SSUH2: variants seen among roughly 807,000 people sequenced by gnomAD.
SSUH2 encodes ssu-2 homolog.
SSUH2 carries 47 observed loss-of-function variants against 55.3 expected under a neutral mutation model. That is an observed-to-expected ratio of 0.85 (90% CI 0.67 to 1.08). The LOEUF (loss-of-function observed/expected upper bound fraction) is 1.08, where lower values mean the gene tolerates loss of function less well. Among genes scored for constraint, SSUH2 ranks in the 50% least tolerant of loss-of-function variants. The probability of loss-of-function intolerance (pLI) is 0.00; values close to 1 mark genes in which losing one functional copy is unlikely to be tolerated. For synonymous variants in SSUH2, 212 were observed against 191.5 expected, an observed-to-expected ratio of 1.11 and a Z score of -0.89; for missense variants, 535 against 490.7, an observed-to-expected ratio of 1.09 and a Z score of -0.85.
At chr3:8,659,774 G>A in intron 6 of SSUH2, 1 of 456,590 alleles carries the variant, frequency 2.2e-6, no homozygotes, top group Non-Finnish European at 4.4e-6. Flanking sequence ...TGTGTGCAGT[G>A]TAAGAGATAT....
upstream of SSUH2, among the ~76,000 whole-genome samples, chr3:8,646,400 A>T (rs916653986): frequency 6.6e-6 from 1 of 152,220 alleles, no homozygotes; most frequent in Non-Finnish European, 1.5e-5. Context: ...AAATTCTTTA[A>T]ATGTCAAATT....
chr3:8,678,069 A>G (rs1033967696), intron 2 of SSUH2, among the ~76,000 whole-genome samples: 24 of 152,032 alleles, frequency 1.6e-4, no homozygotes, highest in Admixed American at 1.6e-3. Flanking sequence ...ATTAGAAACA[A>G]TATCAGTGAG....
At chr3:8,620,816 C>T (rs1696280255) in intron 11 of SSUH2, among the ~76,000 whole-genome samples, 1 of 152,224 alleles carries the variant, frequency 6.6e-6, no homozygotes, top group Admixed American at 6.5e-5. Flanking sequence ...CGGTTTCTAA[C>T]ATTTGAATCA....
At chr3:8,656,109 G>C (rs1466736110) in intron 7 of SSUH2, among the ~76,000 whole-genome samples, 3 of 152,198 alleles carry the variant, frequency 2.0e-5, no homozygotes, top group Non-Finnish European at 2.9e-5. Context: ...AAGAAAGAGA[G>C]AGAGACAAAA....
intron 1 of SSUH2, among the ~76,000 whole-genome samples, chr3:8,639,767 A>G (rs891048813): frequency 4.6e-5 from 7 of 152,166 alleles, no homozygotes; most frequent in Non-Finnish European, 1.0e-4. Context: ...AGCGTGCTCA[A>G]AGGGCTTCCC....
chr3:8,633,244 A>T (rs895744982), intron 4 of SSUH2, among the ~76,000 whole-genome samples: 1 of 151,002 alleles, frequency 6.6e-6, no homozygotes, highest in Non-Finnish European at 1.5e-5. Flanking sequence ...CCCAGTTTCA[A>T]GCAATTGTCC....
At chr3:8,641,831 T>A (rs1003592414) in intron 1 of SSUH2, among the ~76,000 whole-genome samples, 4 of 152,238 alleles carry the variant, frequency 2.6e-5, no homozygotes, top group African/African-American at 9.6e-5. Context: ...TGAAAGCTAG[T>A]ATCAATTTTC....
chr3:8,664,839 C>A (rs750922006), intron 5 of SSUH2, among the ~76,000 whole-genome samples: 3 of 152,200 alleles, frequency 2.0e-5, no homozygotes, highest in Non-Finnish European at 4.4e-5. Flanking sequence ...CTAAACAGGT[C>A]ATTAAGATCA....
At chr3:8,641,784 G>A (rs568538303) in intron 1 of SSUH2, among the ~76,000 whole-genome samples, 6 of 152,374 alleles carry the variant, frequency 3.9e-5, no homozygotes, top group African/African-American at 1.4e-4. Context: ...TTGCCAAGAA[G>A]TCCAGCACCC....
intron 1 of SSUH2, among the ~76,000 whole-genome samples, chr3:8,636,348 G>A (rs1226666422): frequency 1.3e-5 from 2 of 152,026 alleles, no homozygotes; most frequent in Non-Finnish European, 2.9e-5. Flanking sequence ...ATGGAAGGAG[G>A]TCCAGTTGAG....
At position 8,664,785 on chromosome 3, in the gene SSUH2, C is replaced by T. The variant is rs547475897; in HGVS notation, c.-454-983G>A. 1.3e-4 allele frequency among the ~76,000 whole-genome samples: 20 copies of T among 152,330 alleles called. No individual in the cohort carries two copies. In the East Asian group the frequency reaches 3.7e-3, roughly 28 times the overall value. ...CTATGGAAAGGAATCACAATCCTTG[C>T]TCCCACTTAACAAAAAAGCAAATTA... On this transcript the variant is annotated intron_variant, in intron 5 of 18. Coordinates refer to the SSUH2 transcript ENST00000317371.
intron 6 of SSUH2, among the ~76,000 whole-genome samples, chr3:8,661,749 C>T (rs1703511510): frequency 6.6e-6 from 1 of 152,200 alleles, no homozygotes. Context: ...CAATGCTTAG[C>T]TTGGGGAACC....
chr3:8,631,941 A>AAG, intron 5 of SSUH2, 108 bp downstream of exon 5: 1 of 859,304 alleles, frequency 1.2e-6, no homozygotes, highest in Non-Finnish European at 1.9e-6. Context: ...GGCTCCAAGC[A>AAG]GAAGACCATC....
rs1253944256 is a variant in SSUH2 at position 8,643,826 on chromosome 3, T to C, written c.28+905A>G. ...AAAAAGCATTTTGCCCACACCCTCA[T>C]GGTCCTCAGATTGAGACCTAAACCA... On this transcript the variant is annotated intron_variant, in intron 1 of 11. Coordinates refer to ENST00000544814, the MANE Select transcript of SSUH2 (RefSeq NM_001256748.3). 3.3e-5 allele frequency among the ~76,000 whole-genome samples: 5 copies of C among 152,294 alleles called. No homozygotes were observed. The East Asian group carries it at 5.8e-4, about 18-fold the overall frequency.
At chr3:8,635,099 G>A (rs572399125) in intron 3 of SSUH2, among the ~76,000 whole-genome samples, 4 of 152,300 alleles carry the variant, frequency 2.6e-5, no homozygotes, top group South Asian at 4.1e-4. Context: ...GGTTTTCAAC[G>A]CTGGCTTTGT....
chr3:8,681,216 C>T (rs950468251), intron 1 of SSUH2, among the ~76,000 whole-genome samples: 1 of 150,420 alleles, frequency 6.6e-6, no homozygotes, highest in Non-Finnish European at 1.5e-5. Context: ...CCTCTTCCCC[C>T]CCTGGCTCTC....
chr3:8,642,846 A>C (rs961260773), intron 1 of SSUH2, among the ~76,000 whole-genome samples: 13 of 152,310 alleles, frequency 8.5e-5, no homozygotes, highest in African/African-American at 3.1e-4. Context: ...TGGGGAAAAA[A>C]AAATCTACCT....
upstream of SSUH2, among the ~76,000 whole-genome samples, chr3:8,647,956 G>A (rs1701918696): frequency 6.6e-6 from 1 of 152,182 alleles, no homozygotes; most frequent in Non-Finnish European, 1.5e-5. Context: ...CCAAGTAGGA[G>A]GTTCTCGAAA....
chr3:8,634,171 T>C (rs540289393), intron 3 of SSUH2: 1 of 623,692 alleles, frequency 1.6e-6, no homozygotes, highest in East Asian at 3.1e-5. Context: ...ACAGGCTAAA[T>C]AAGGCTCCTG....
Sources: gnomAD v4.1 joint callset for allele counts (sites outside exome capture counted in the v4.1 genomes callset) on GRCh38, gnomAD v4.1.1 for gene constraint, MANE v1.5 for transcripts, NCBI Gene and HGNC (gene_info 2026-07-23, HGNC 2026-07-21) for gene names.